Variants in TOMM34 observed in about 807,000 individuals in gnomAD.
TOMM34 encodes the protein translocase of outer mitochondrial membrane 34.
In TOMM34, 24 loss-of-function variants were observed where a neutral mutation model predicts 37.4. The observed-to-expected ratio is 0.64, with a 90% CI of 0.46 to 0.90. The LOEUF (loss-of-function observed/expected upper bound fraction) is 0.90. Among genes scored for constraint, TOMM34 ranks in the 40% least tolerant of loss-of-function variants. TOMM34 has a pLI of 0.00. For missense variants in TOMM34, 304 were observed against 375.6 expected (o/e 0.81, Z 1.58); for synonymous variants, 154 against 148.9 (o/e 1.03, Z -0.25).
chr20:44,943,420 T>C, intron 6 of TOMM34, 33 bp downstream of exon 6: 2 of 1,614,064 alleles, frequency 1.2e-6, no homozygotes, highest in Admixed American at 1.7e-5. Context: ...TCTGTAGCTA[T>C]GTTGGGACCT....
chr20:44,943,315 G>A, intron 6 of TOMM34, 102 bp from the exon 7 acceptor site: 1 of 1,594,238 alleles, frequency 6.3e-7, no homozygotes, highest in Non-Finnish European at 8.6e-7. Context: ...CCACAGGCCT[G>A]CTCTGAGTTA....
intron 4 of TOMM34, among the ~76,000 whole-genome samples, chr20:44,950,061 G>GT (rs1455933855): frequency 1.3e-5 from 2 of 152,298 alleles, no homozygotes; most frequent in East Asian, 3.9e-4. Flanking sequence ...ATCTCCAGTT[G>GT]TTTTTTGCTA....
At chr20:44,955,308 C>A in intron 2 of TOMM34, 88 bp from the exon 3 acceptor site, 2 of 1,512,062 alleles carry the variant, frequency 1.3e-6, no homozygotes, top group Non-Finnish European at 1.8e-6. Flanking sequence ...TTATCTGGAG[C>A]ACTCAGCGTA....
At chr20:44,945,190 G>A (rs904699852) in intron 5 of TOMM34, among the ~76,000 whole-genome samples, 1 of 152,058 alleles carries the variant, frequency 6.6e-6, no homozygotes, top group Non-Finnish European at 1.5e-5. Context: ...CTCTCATGTC[G>A]TTGTTCTCAT....
chr20:44,959,704 T>C (rs1228529992), intron 1 of TOMM34, among the ~76,000 whole-genome samples: 1 of 152,110 alleles, frequency 6.6e-6, no homozygotes, highest in South Asian at 2.1e-4. Context: ...ACCTCAAATA[T>C]CACTTCTTTA....
At chr20:44,945,064 G>T (rs907610023) in intron 5 of TOMM34, among the ~76,000 whole-genome samples, 1 of 152,088 alleles carries the variant, frequency 6.6e-6, no homozygotes, top group Non-Finnish European at 1.5e-5. Context: ...GATCCACTCA[G>T]AACTTACTTT....
intron 5 of TOMM34, among the ~76,000 whole-genome samples, chr20:44,945,675 G>A (rs1027186832): frequency 2.0e-5 from 3 of 152,196 alleles, no homozygotes; most frequent in Admixed American, 6.5e-5. Context: ...CCAGACATTC[G>A]AGGAAGAAGG....
chr20:44,951,722 C>T, intron 4 of TOMM34, 111 bp downstream of exon 4: 1 of 1,326,524 alleles, frequency 7.5e-7, no homozygotes, highest in Non-Finnish European at 1.0e-6. Flanking sequence ...ATACTTTGTT[C>T]CTAAGATTAT....
intron 3 of TOMM34, 22 bp downstream of exon 3, chr20:44,955,046 A>T: frequency 6.2e-7 from 1 of 1,613,048 alleles, no homozygotes; most frequent in Non-Finnish European, 8.5e-7. Context: ...CGTGGAGACC[A>T]CCTGCTGGGA....
chr20:44,958,300 C>G (rs1474610754), intron 1 of TOMM34: 3 of 467,064 alleles, frequency 6.4e-6, no homozygotes, highest in Non-Finnish European at 1.3e-5. Flanking sequence ...CATTCAATAC[C>G]AACAATAACA....
intron 1 of TOMM34, 77 bp downstream of exon 1, chr20:44,960,130 C>G: frequency 7.4e-6 from 11 of 1,482,864 alleles, no homozygotes; most frequent in Non-Finnish European, 9.8e-6. Context: ...GACTGCTGGC[C>G]GCCGCGCGAG....
chr20:44,944,004 A>C (rs1356692821), intron 5 of TOMM34, among the ~76,000 whole-genome samples: 3 of 152,224 alleles, frequency 2.0e-5, no homozygotes, highest in Non-Finnish European at 4.4e-5. Flanking sequence ...ACTGAACTCT[A>C]ATGATATAAT....
chr20:44,959,964 G>A (rs1007522337), intron 1 of TOMM34: 3 of 985,400 alleles, frequency 3.0e-6, no homozygotes, highest in Non-Finnish European at 3.6e-6. Flanking sequence ...GGGGGAGGAG[G>A]GTTTAGCTTT....
At chr20:44,959,639 A>G (rs1450833885) in intron 1 of TOMM34, among the ~76,000 whole-genome samples, 1 of 152,084 alleles carries the variant, frequency 6.6e-6, no homozygotes, top group African/African-American at 2.4e-5. Context: ...TTCTCATTGC[A>G]GTTCACTTCA....
chr20:44,947,503 CTTCT>C (rs1402338856), intron 5 of TOMM34, among the ~76,000 whole-genome samples: 2 of 152,008 alleles, frequency 1.3e-5, no homozygotes, highest in African/African-American at 4.8e-5. Flanking sequence ...ATGGAAAACA[CTTCT>C]TTTTTTTTTG....
rs1432631546 is a variant in TOMM34 at position 44,960,373 on chromosome 20, T to G, written c.-40A>C. 1.3e-6 allele frequency: 2 copies of G among 1,513,614 alleles called. No individual in the cohort carries two copies. The highest frequency in any genetic ancestry group is 1.8e-6 in the Non-Finnish European group (2 of 1,126,268). The allele number at this position is 1,513,614 out of a possible 1,614,324, so 93.8% of individuals were successfully genotyped here. On this transcript the variant is annotated 5_prime_UTR_variant, in exon 1 of 7. Transcript: ENST00000372813. ...GGCGAGTTGGGAGCTCCTTCCTTCCTCCCCCGTGTGGTGCGGCACACCTTC... is the reference window on the plus strand; with the variant it reads ...GGCGAGTTGGGAGCTCCTTCCTTCCGCCCCCGTGTGGTGCGGCACACCTTC...
chr20:44,945,462 C>T (rs923058190), intron 5 of TOMM34, among the ~76,000 whole-genome samples: 1 of 152,184 alleles, frequency 6.6e-6, no homozygotes, highest in Non-Finnish European at 1.5e-5. Context: ...CATAATAGGC[C>T]TTGCAGCTTC....
intron 3 of TOMM34, among the ~76,000 whole-genome samples, chr20:44,954,379 A>G (rs749364858): frequency 2.6e-5 from 4 of 152,344 alleles, no homozygotes; most frequent in Admixed American, 6.5e-5. Context: ...GTGGAATCAG[A>G]TAAGTTAAAA....
Position 44,956,429 on chromosome 20 carries a change from A to G in TOMM34, c.184T>C (p.Leu62=), listed in dbSNP as rs1185486300. 6.2e-7 allele frequency: 1 copy of G among 1,614,186 alleles called. No individual in the cohort carries two copies. Among genetic ancestry groups the G allele is most frequent in the Non-Finnish European group, 8.5e-7 (1 of 1,180,032 alleles). ...CAGTCTCTGCAGTTTCCATCCTTCAAGTGACATGCTGCTCGGTTGGAGTAG... is the reference window on the plus strand; with the variant it reads ...CAGTCTCTGCAGTTTCCATCCTTCAGGTGACATGCTGCTCGGTTGGAGTAG... ...VLYSNRAACH[L]KDGNCRDCIK... is the part of the protein sequence containing the mutation. Residue 62 remains leucine, a synonymous_variant, in exon 2 of 7, where the codon TTG becomes CTG. Coordinates refer to ENST00000372813, the MANE Select transcript of TOMM34 (RefSeq NM_006809.5).
Sources: gnomAD v4.1 joint callset for allele counts (sites outside exome capture counted in the v4.1 genomes callset) on GRCh38, gnomAD v4.1.1 for gene constraint, MANE v1.5 for transcripts, NCBI Gene and HGNC (gene_info 2026-07-23, HGNC 2026-07-21) for gene names.